Variants in LIMA1 observed in about 807,000 individuals in gnomAD.
LIMA1 encodes LIM domain and actin-binding protein 1.
A neutral mutation model predicts 62.6 loss-of-function variants in LIMA1; 52 were observed. The observed-to-expected ratio is 0.83, with a 90% confidence interval of 0.67 to 1.05. The LOEUF (loss-of-function observed/expected upper bound fraction) is 1.05. Among genes scored for constraint, LIMA1 ranks in the 50% least tolerant of loss-of-function variants. The probability of loss-of-function intolerance (pLI) is 0.00; values close to 1 mark genes in which losing one functional copy is unlikely to be tolerated. For synonymous variants in LIMA1, 302 were observed against 317.8 expected, an observed-to-expected ratio of 0.95 and a Z score of 0.53; for missense variants, 780 against 902.2, an observed-to-expected ratio of 0.86 and a Z score of 1.74.
At chr12:50,236,095 G>A (rs1941689190) in intron 2 of LIMA1, among the ~76,000 whole-genome samples, 1 of 151,796 alleles carries the variant, frequency 6.6e-6, no homozygotes, top group Non-Finnish European at 1.5e-5. Context: ...AACCCGGGAG[G>A]TGGAGGTTGC....
intron 1 of LIMA1, chr12:50,250,024 G>C (rs986586708): frequency 1.1e-4 from 17 of 152,032 alleles, no homozygotes; most frequent in Admixed American, 3.3e-4. Flanking sequence ...GGGCATGGTG[G>C]CTCATGCCTG....
chr12:50,246,543 A>G (rs1011047451), intron 2 of LIMA1, among the ~76,000 whole-genome samples: 5 of 152,106 alleles, frequency 3.3e-5, no homozygotes, highest in African/African-American at 1.2e-4. Flanking sequence ...CCTTTCTAAT[A>G]TAGCTTTACA....
At chr12:50,226,382 C>T (rs1941528131) in intron 3 of LIMA1, among the ~76,000 whole-genome samples, 2 of 152,132 alleles carry the variant, frequency 1.3e-5, no homozygotes, top group Admixed American at 1.3e-4. Context: ...ACCTCAACTG[C>T]TAAAAGCACT....
Position 50,231,529 on chromosome 12 carries a change from G to A in LIMA1, c.165+136C>T. On this transcript the variant is annotated intron_variant, in intron 3 of 10. Transcript: ENST00000341247. ...TAAGCCAAGTTGTCCTGAGCAAATGGCTCAGAGATCACACCAGCTGGCACA... is the reference window on the plus strand; with the variant it reads ...TAAGCCAAGTTGTCCTGAGCAAATGACTCAGAGATCACACCAGCTGGCACA... The A allele has an allele frequency of 3.7e-6, 3 of 804,712 alleles. No homozygotes were observed. The Middle Eastern group carries it at 6.7e-4, about 181-fold the overall frequency. 49.8% of individuals were successfully genotyped at this position (804,712 alleles called of 1,614,324 possible).
intron 4 of LIMA1, among the ~76,000 whole-genome samples, chr12:50,215,060 C>T (rs1941319739): frequency 6.6e-6 from 1 of 152,178 alleles, no homozygotes; most frequent in African/African-American, 2.4e-5. Flanking sequence ...TTCTTTGATG[C>T]AGATTACAGA....
intron 2 of LIMA1, among the ~76,000 whole-genome samples, chr12:50,239,275 G>A (rs1340691996): frequency 6.6e-6 from 1 of 152,258 alleles, no homozygotes; most frequent in Non-Finnish European, 1.5e-5. Flanking sequence ...GAAAGGAAGA[G>A]GAAATCAAGG....
At chr12:50,206,693 C>T (rs948255064) in intron 4 of LIMA1, among the ~76,000 whole-genome samples, 3 of 152,178 alleles carry the variant, frequency 2.0e-5, no homozygotes, top group Non-Finnish European at 4.4e-5. Flanking sequence ...ACCGAGCCAG[C>T]CTCCTTTGTC....
chr12:50,197,857 G>T (rs1940965035), intron 7 of LIMA1, among the ~76,000 whole-genome samples: 2 of 148,106 alleles, frequency 1.4e-5, no homozygotes, highest in African/African-American at 5.0e-5. Context: ...AAAATATTTA[G>T]TCAGTTATTC....
At chr12:50,205,647 A>G (rs959717264) in intron 5 of LIMA1, among the ~76,000 whole-genome samples, 1 of 152,076 alleles carries the variant, frequency 6.6e-6, no homozygotes, top group African/African-American at 2.4e-5. Context: ...AACTGATCGT[A>G]GCACTTTACT....
intron 1 of LIMA1, among the ~76,000 whole-genome samples, chr12:50,262,622 GTAAAATAAAATAAAA>G (rs10539278): frequency 0.013 from 1,796 of 143,428 alleles, 25 homozygotes; most frequent in African/African-American, 0.037. Flanking sequence ...AAAAAATAAA[GTAAAATAAAATAAAA>G]TAAAATAAAA....
intron 4 of LIMA1, among the ~76,000 whole-genome samples, chr12:50,212,888 C>T (rs1384758806): frequency 2.0e-5 from 3 of 152,142 alleles, no homozygotes; most frequent in African/African-American, 7.2e-5. Flanking sequence ...GATCTCAGCT[C>T]ACTGCAACCT....
chr12:50,235,923 G>A (rs920626951), intron 2 of LIMA1, among the ~76,000 whole-genome samples: 15 of 152,102 alleles, frequency 9.9e-5, no homozygotes, highest in African/African-American at 2.4e-4. Flanking sequence ...CCAGCACTTC[G>A]GGAGATGGAG....
At chr12:50,204,428 A>G in intron 6 of LIMA1, 124 bp downstream of exon 6, 1 of 1,123,484 alleles carries the variant, frequency 8.9e-7, no homozygotes, top group Non-Finnish European at 1.2e-6. Context: ...TCATGTGAAA[A>G]GAGAACAGCT....
intron 1 of LIMA1, among the ~76,000 whole-genome samples, chr12:50,265,138 G>A (rs1393340345): frequency 9.4e-5 from 14 of 149,546 alleles, no homozygotes; most frequent in Non-Finnish European, 1.5e-4. Context: ...GGGCAACAGA[G>A]TGAGACCGTC....
At chr12:50,269,809 A>G (rs1942182367) in intron 1 of LIMA1, among the ~76,000 whole-genome samples, 1 of 150,714 alleles carries the variant, frequency 6.6e-6, no homozygotes, top group Non-Finnish European at 1.5e-5. Context: ...AATCCCAACT[A>G]CTTGGGAGGC....
intron 3 of LIMA1, among the ~76,000 whole-genome samples, chr12:50,227,237 C>CTTTTTT (rs199650468): frequency 6.7e-4 from 83 of 123,984 alleles, no homozygotes; most frequent in Non-Finnish European, 7.8e-4. Context: ...TTTTTCTTTT[C>CTTTTTT]TTTTTTTTTT....
chr12:50,196,880 ACTATGTG>A (rs1940941139), intron 7 of LIMA1, among the ~76,000 whole-genome samples: 1 of 152,216 alleles, frequency 6.6e-6, no homozygotes, highest in African/African-American at 2.4e-5. Context: ...CTGGGTGTTT[ACTATGTG>A]CCAGGTATTC....
chr12:50,198,968 C>G (rs1940987583), intron 7 of LIMA1, among the ~76,000 whole-genome samples: 2 of 152,202 alleles, frequency 1.3e-5, no homozygotes, highest in South Asian at 4.1e-4. Flanking sequence ...AAGATTTACC[C>G]TAGCCCTCTC....
Position 50,192,483 on chromosome 12 carries a change from A to G in LIMA1, c.1109T>C (p.Leu370Pro), listed in dbSNP as rs1940798754. Residue 370 changes from leucine to proline, a missense_variant, in exon 9 of 11, where the codon CTT becomes CCT. Transcript: ENST00000341247. The stretch of plus-strand genomic sequence containing the variant: ...TGCTTTGGGAGGAGAACTTTCAGAA[A>G]GACTGGAGGCTCTGGAATCTGGACT... The part of the protein sequence containing the change: ...PLSPDSRASS[L>P]SESSPPKAMK... The G allele has an allele frequency of 1.9e-6, 3 of 1,614,030 alleles. No homozygotes were observed. The highest frequency in any genetic ancestry group is 2.5e-6 in the Non-Finnish European group (3 of 1,179,864).
Sources: allele counts gnomAD v4.1 joint callset (sites outside exome capture counted in the v4.1 genomes callset), GRCh38; gene constraint gnomAD v4.1.1; transcripts MANE v1.5; gene names NCBI Gene and HGNC (gene_info 2026-07-23, HGNC 2026-07-21).